The following RALY variants were observed in gnomAD, a reference collection of about 807,000 sequenced individuals.
The protein encoded by RALY is RNA-binding protein Raly.
A neutral mutation model predicts 30.7 loss-of-function variants in RALY; 15 were observed. The ratio of observed to expected loss-of-function variants is 0.49; its 90% CI spans 0.33 to 0.75. RALY has a LOEUF of 0.75. RALY is among the 30% of genes least tolerant of loss of function. The probability of loss-of-function intolerance (pLI) is 0.02; values close to 1 mark genes in which losing one functional copy is unlikely to be tolerated. For missense variants in RALY, 339 were observed against 414.3 expected, an observed-to-expected ratio of 0.82 and a Z score of 1.58; for synonymous variants, 177 against 170.8, an observed-to-expected ratio of 1.04 and a Z score of -0.28.
chr20:34,077,358 T>C (rs1003832406), intron 8 of RALY, 113 bp downstream of exon 8: 5 of 1,550,404 alleles, frequency 3.2e-6, no homozygotes, highest in Non-Finnish European at 3.5e-6. Context: ...CTTCCTGTTC[T>C]CTCCTTCCCA....
At chr20:33,994,331 C>T (rs2030478836) in intron 1 of RALY, 200 bp downstream of exon 1, 1 of 152,912 alleles carries the variant, frequency 6.5e-6, no homozygotes, top group Non-Finnish European at 1.5e-5. Context: ...CGCCCCGGGT[C>T]CCCGGCCCCA....
chr20:34,000,620 T>A (rs1261414448), intron 1 of RALY, among the ~76,000 whole-genome samples: 1 of 152,148 alleles, frequency 6.6e-6, no homozygotes, highest in Non-Finnish European at 1.5e-5. Context: ...TGGGCTCTAG[T>A]CTCCATCTCC....
chr20:34,035,110 G>A (rs1413219001), intron 2 of RALY, among the ~76,000 whole-genome samples: 4 of 124,806 alleles, frequency 3.2e-5, no homozygotes, highest in East Asian at 2.8e-4. Context: ...CTGAGATTGC[G>A]CCACTCTACT....
chr20:34,073,820 G>A lies in RALY; in HGVS notation c.331G>A (p.Gly111Ser). 1 of 1,614,118 alleles carries A rather than the reference G, an allele frequency of 6.2e-7. No homozygotes were observed. Among genetic ancestry groups the A allele is most frequent in the Non-Finnish European group, 8.5e-7 (1 of 1,179,990 alleles). Reference sequence around the variant, plus strand: ...GCCCTCTCCCCTTTGTTTCCCCAGTGGCTACATCTTTGACTATGATTACTA... The same window carrying A: ...GCCCTCTCCCCTTTGTTTCCCCAGTAGCTACATCTTTGACTATGATTACTA... ...LKRAASAIYS[G>S]YIFDYDYYRD... Residue 111 changes from glycine (G) to serine (S), a missense_variant and splice_region_variant, in exon 5 of 10, where the codon GGC becomes AGC. Gly to Ser is a moderately conservative substitution (Grantham distance 56). This residue lies in a region of RALY where 268 missense variants were observed against 280.6 expected (regional missense o/e 0.95). Coordinates refer to ENST00000246194, the MANE Select transcript of RALY (RefSeq NM_016732.3).
chr20:33,996,174 GAC>G (rs1029276531), intron 1 of RALY, among the ~76,000 whole-genome samples: 24 of 152,200 alleles, frequency 1.6e-4, no homozygotes, highest in African/African-American at 5.8e-4. Context: ...AGGGAATGGA[GAC>G]ACAGCATAGC....
intron 1 of RALY, among the ~76,000 whole-genome samples, chr20:34,012,065 CAA>C (rs142466996): frequency 3.8e-4 from 44 of 116,422 alleles, no homozygotes; most frequent in Non-Finnish European, 3.9e-4. Flanking sequence ...GACCCTGTCT[CAA>C]AAAAAAAAAA....
intron 2 of RALY, among the ~76,000 whole-genome samples, chr20:34,036,569 C>T (rs1488609702): frequency 6.6e-6 from 1 of 152,176 alleles, no homozygotes; most frequent in Non-Finnish European, 1.5e-5. Flanking sequence ...TGTGTTCCCT[C>T]CTCCTCTGAT....
At position 34,081,230 on chromosome 20, in the gene RALY, G is replaced by C. The variant is rs1173881648; in HGVS notation, c.*1325G>C. 1 of 152,074 alleles carries C rather than the reference G, an allele frequency of 6.6e-6. No individual in the cohort carries two copies. Among genetic ancestry groups the C allele is most frequent in the Non-Finnish European group, 1.5e-5 (1 of 68,034 alleles). The allele number at this position is 152,074 out of a possible 1,614,324, so 9.4% of individuals were successfully genotyped here. ...CCAGTGAACTGCGGGATTCATATGT[G>C]GCCACTTAGGCTGGTCTCGTTGGTA... On this transcript the variant is annotated 3_prime_UTR_variant, in exon 10 of 10. Coordinates refer to ENST00000246194, the MANE Select transcript of RALY (RefSeq NM_016732.3).
chr20:34,045,532 G>C (rs1039219020), intron 2 of RALY, among the ~76,000 whole-genome samples: 1 of 152,334 alleles, frequency 6.6e-6, no homozygotes, highest in Middle Eastern at 3.4e-3. Flanking sequence ...TTGGGCTGAT[G>C]AGGAAATGAA....
At position 34,078,679 on chromosome 20, in the gene RALY, A is replaced by C. The variant is rs1017167523; in HGVS notation, c.*4+126A>C. 6 of 837,146 alleles carry C rather than the reference A, an allele frequency of 7.2e-6. No individual in the cohort carries two copies. The Admixed American group carries it at 1.5e-4, about 21-fold the overall frequency. The allele number at this position is 837,146 out of a possible 1,614,324, so 51.9% of individuals were successfully genotyped here. On this transcript the variant is annotated intron_variant, in intron 9 of 9. Coordinates refer to ENST00000246194, the MANE Select transcript of RALY (RefSeq NM_016732.3). Reference sequence around the variant, plus strand: ...GGCCAAGTAGCACTGACTATACCCAAGAATGAAGTCCCCTCCATATCTAGC... The same window carrying C: ...GGCCAAGTAGCACTGACTATACCCACGAATGAAGTCCCCTCCATATCTAGC...
At chr20:34,030,713 A>C (rs2032234285) in intron 1 of RALY, among the ~76,000 whole-genome samples, 1 of 152,218 alleles carries the variant, frequency 6.6e-6, no homozygotes, top group Non-Finnish European at 1.5e-5. Flanking sequence ...TGTAAAATAC[A>C]GAACAAATTC....
intron 2 of RALY, among the ~76,000 whole-genome samples, chr20:34,061,787 C>A: frequency 6.6e-6 from 1 of 152,122 alleles, no homozygotes; most frequent in East Asian, 1.9e-4. Context: ...ATAGGACTTG[C>A]CAGAGGTCAA....
intron 3 of RALY, among the ~76,000 whole-genome samples, 184 bp downstream of exon 3, chr20:34,072,514 G>A (rs935780810): frequency 1.3e-5 from 2 of 152,218 alleles, no homozygotes; most frequent in South Asian, 4.1e-4. Flanking sequence ...AATTTTAGAA[G>A]CCTCTGGAAA....
intron 1 of RALY, among the ~76,000 whole-genome samples, chr20:34,023,988 A>G (rs975547150): frequency 1.3e-5 from 2 of 151,888 alleles, no homozygotes; most frequent in African/African-American, 4.8e-5. Context: ...ATCACCTGAG[A>G]TTATCAGGAG....
At chr20:34,013,411 C>G (rs1168568646) in intron 1 of RALY, among the ~76,000 whole-genome samples, 1 of 64,742 alleles carries the variant, frequency 1.5e-5, no homozygotes, top group Non-Finnish European at 2.7e-5. Flanking sequence ...GAGACCTTGT[C>G]TCAAAAAAAA....
intron 1 of RALY, among the ~76,000 whole-genome samples, chr20:34,025,598 C>T (rs1035988442): frequency 6.6e-6 from 1 of 152,118 alleles, no homozygotes; most frequent in South Asian, 2.1e-4. Context: ...GCCACCTCAC[C>T]TGGCCCAACA....
At position 34,081,431 on chromosome 20, in the gene RALY, C is replaced by G. The variant is rs1375844787; in HGVS notation, c.*1526C>G. On this transcript the variant is annotated 3_prime_UTR_variant, in exon 10 of 10. Coordinates refer to ENST00000246194, the MANE Select transcript of RALY (RefSeq NM_016732.3). Reference sequence around the variant, plus strand: ...TCCGACTGCTCTTTAATTGCCTGTTCTCTCCTCTGGAAGCCTTCCCCCAAC... The same window carrying G: ...TCCGACTGCTCTTTAATTGCCTGTTGTCTCCTCTGGAAGCCTTCCCCCAAC... 6.6e-6 allele frequency: 1 copy of G among 152,250 alleles called. No homozygotes were observed. Among genetic ancestry groups the G allele is most frequent in the African/African-American group, 2.4e-5 (1 of 41,444 alleles). 9.4% of individuals were successfully genotyped at this position (152,250 alleles called of 1,614,324 possible).
At chr20:34,047,099 G>A (rs1468258842) in intron 2 of RALY, among the ~76,000 whole-genome samples, 1 of 152,146 alleles carries the variant, frequency 6.6e-6, no homozygotes, top group Non-Finnish European at 1.5e-5. Flanking sequence ...GATTACAGGT[G>A]TGAGCCACCA....
At chr20:34,042,208 C>G (rs1018160530) in intron 2 of RALY, among the ~76,000 whole-genome samples, 1 of 152,180 alleles carries the variant, frequency 6.6e-6, no homozygotes, top group African/African-American at 2.4e-5. Flanking sequence ...CCCCACTACC[C>G]TTACCAAACA....
Sources: gnomAD v4.1 joint callset for allele counts (sites outside exome capture counted in the v4.1 genomes callset) on GRCh38, gnomAD v4.1.1 for gene constraint, gnomAD v4.1.1 regional missense constraint, MANE v1.5 for transcripts, NCBI Gene and HGNC (gene_info 2026-07-23, HGNC 2026-07-21) for gene names.